Variants in SYNDIG1 observed in about 807,000 individuals in gnomAD.
SYNDIG1 encodes the protein synapse differentiation-inducing gene protein 1.
A neutral mutation model predicts 19.4 loss-of-function variants in SYNDIG1; 9 were observed. The observed-to-expected ratio is 0.46, with a 90% CI of 0.28 to 0.81. The LOEUF (loss-of-function observed/expected upper bound fraction) is 0.81. Among genes scored for constraint, SYNDIG1 ranks in the 30% least tolerant of loss-of-function variants. The pLI is 0.12. For missense variants in SYNDIG1, 311 were observed against 343.3 expected (o/e 0.91, Z 0.74); for synonymous variants, 141 against 145.9 (o/e 0.97, Z 0.24).
chr20:24,551,975 T>C (rs2057714104), intron 2 of SYNDIG1, among the ~76,000 whole-genome samples: 1 of 152,228 alleles, frequency 6.6e-6, no homozygotes, highest in African/African-American at 2.4e-5. Context: ...TTTATACAGA[T>C]TCGCAAGGTC....
chr20:24,620,064 C>T (rs541593487), intron 3 of SYNDIG1, among the ~76,000 whole-genome samples: 2 of 152,302 alleles, frequency 1.3e-5, no homozygotes, highest in South Asian at 2.1e-4. Flanking sequence ...TTCAGGACAA[C>T]TTTGTGTCAG....
At position 24,490,076 on chromosome 20, in the gene SYNDIG1, C is replaced by A. The variant is rs573362225; in HGVS notation, c.-79+20323C>A. 9.8e-5 allele frequency among the ~76,000 whole-genome samples: 15 copies of A among 152,292 alleles called. No homozygotes were observed. In the East Asian group the frequency reaches 2.7e-3, roughly 27 times the overall value. On this transcript the variant is annotated intron_variant, in intron 1 of 3. Transcript: ENST00000376862. The stretch of plus-strand genomic sequence containing the variant: ...GCCAGGGACAGGGGCCAGAGAGGCA[C>A]CCTCCAGGATACCTTTGGGGCCCTG...
chr20:24,647,286 G>A (rs1443200258), intron 3 of SYNDIG1, among the ~76,000 whole-genome samples: 2 of 152,172 alleles, frequency 1.3e-5, no homozygotes, highest in African/African-American at 4.8e-5. Flanking sequence ...GCAGGGCAGG[G>A]TACATGGCAG....
chr20:24,626,840 G>A (rs1324338388), intron 3 of SYNDIG1, among the ~76,000 whole-genome samples: 1 of 152,238 alleles, frequency 6.6e-6, no homozygotes, highest in Non-Finnish European at 1.5e-5. Flanking sequence ...TCGGGAGGCC[G>A]AGGCTGGCGG....
At chr20:24,521,790 C>T (rs2057009444) in intron 1 of SYNDIG1, among the ~76,000 whole-genome samples, 2 of 151,556 alleles carry the variant, frequency 1.3e-5, no homozygotes, top group Admixed American at 1.3e-4. Context: ...ATCCCAGCTA[C>T]TCGGGAGGCT....
At chr20:24,551,224 G>A (rs933971284) in intron 2 of SYNDIG1, among the ~76,000 whole-genome samples, 5 of 152,192 alleles carry the variant, frequency 3.3e-5, no homozygotes, top group South Asian at 4.1e-4. Flanking sequence ...TCTGAAGATC[G>A]TCCTTTATTC....
intron 1 of SYNDIG1, among the ~76,000 whole-genome samples, chr20:24,483,891 T>A (rs542305963): frequency 1.3e-5 from 2 of 152,240 alleles, no homozygotes; most frequent in East Asian, 3.9e-4. Flanking sequence ...CCAGCGGGGA[T>A]GCTGCGTCCA....
At chr20:24,588,075 A>G (rs917903489) in intron 3 of SYNDIG1, among the ~76,000 whole-genome samples, 1 of 152,208 alleles carries the variant, frequency 6.6e-6, no homozygotes, top group Non-Finnish European at 1.5e-5. Flanking sequence ...GTCCTGTTGT[A>G]GCCTGGTCCC....
At chr20:24,663,442 G>A (rs2059620938) in intron 3 of SYNDIG1, among the ~76,000 whole-genome samples, 1 of 152,188 alleles carries the variant, frequency 6.6e-6, no homozygotes, top group South Asian at 2.1e-4. Context: ...CAGAACTGAG[G>A]TCAAGAGTCA....
intron 1 of SYNDIG1, among the ~76,000 whole-genome samples, chr20:24,510,294 C>T (rs941891855): frequency 2.0e-5 from 3 of 151,644 alleles, no homozygotes; most frequent in Non-Finnish European, 2.9e-5. Context: ...CTGGGCTGGG[C>T]GCAGTGACTC....
At chr20:24,633,682 T>C (rs2059281900) in intron 3 of SYNDIG1, among the ~76,000 whole-genome samples, 2 of 152,240 alleles carry the variant, frequency 1.3e-5, no homozygotes, top group African/African-American at 2.4e-5. Flanking sequence ...TCTCGTCAGC[T>C]CCCAAGACCT....
At chr20:24,558,554 G>A (rs915764561) in intron 2 of SYNDIG1, among the ~76,000 whole-genome samples, 2 of 152,108 alleles carry the variant, frequency 1.3e-5, no homozygotes, top group Non-Finnish European at 2.9e-5. Flanking sequence ...AATAATGTCT[G>A]CCATTTTGAT....
At chr20:24,513,986 A>C (rs2056807609) in intron 1 of SYNDIG1, among the ~76,000 whole-genome samples, 1 of 152,252 alleles carries the variant, frequency 6.6e-6, no homozygotes, top group African/African-American at 2.4e-5. Flanking sequence ...TCTTTAAGAA[A>C]AGAATTTTCA....
At chr20:24,492,150 C>T (rs1368907100) in intron 1 of SYNDIG1, among the ~76,000 whole-genome samples, 3 of 145,940 alleles carry the variant, frequency 2.1e-5, no homozygotes, top group East Asian at 3.9e-4. Flanking sequence ...CTCCAGGCAC[C>T]GCAGGGACGC....
chr20:24,507,726 C>G (rs1347877718), intron 1 of SYNDIG1, among the ~76,000 whole-genome samples: 1 of 152,206 alleles, frequency 6.6e-6, no homozygotes, highest in African/African-American at 2.4e-5. Context: ...GGCATCTGAG[C>G]TAGGCCGAGG....
chr20:24,640,423 AAGG>A (rs1026808567), intron 3 of SYNDIG1, among the ~76,000 whole-genome samples: 51 of 149,790 alleles, frequency 3.4e-4, no homozygotes, highest in African/African-American at 1.3e-3. Flanking sequence ...AGGGAGAAAA[AAGG>A]AAGAAGGAAG....
chr20:24,661,297 A>AGGAG (rs1242337843), intron 3 of SYNDIG1, among the ~76,000 whole-genome samples: 1 of 131,060 alleles, frequency 7.6e-6, no homozygotes, highest in African/African-American at 2.7e-5. Context: ...AGAAGAAAGA[A>AGGAG]GGAGGGAGGG....
intron 3 of SYNDIG1, among the ~76,000 whole-genome samples, chr20:24,631,028 T>C (rs1292477394): frequency 6.6e-6 from 1 of 152,216 alleles, no homozygotes; most frequent in Non-Finnish European, 1.5e-5. Context: ...GAGGCGGTCA[T>C]AGACACCCTT....
At chr20:24,608,892 T>C (rs2058803756) in intron 3 of SYNDIG1, among the ~76,000 whole-genome samples, 1 of 152,172 alleles carries the variant, frequency 6.6e-6, no homozygotes. Flanking sequence ...AAAAACAGCA[T>C]ACAGTACTGC....
Sources: gnomAD v4.1 joint callset for allele counts (sites outside exome capture counted in the v4.1 genomes callset) on GRCh38, gnomAD v4.1.1 for gene constraint, MANE v1.5 for transcripts, NCBI Gene and HGNC (gene_info 2026-07-23, HGNC 2026-07-21) for gene names.